KCNIP1: variants seen among roughly 807,000 people sequenced by gnomAD.
The protein encoded by KCNIP1 is potassium voltage-gated channel interacting protein 1.
Under a neutral mutation model 33.0 loss-of-function variants are expected in KCNIP1, and 18 were observed. The observed-to-expected ratio is 0.55, with a 90% CI of 0.38 to 0.81. KCNIP1 has a LOEUF of 0.81. KCNIP1 is among the 30% of genes least tolerant of loss of function. The probability of loss-of-function intolerance (pLI) is 0.00; values close to 1 mark genes in which losing one functional copy is unlikely to be tolerated. For missense variants in KCNIP1, 238 were observed against 271.6 expected (o/e 0.88, Z 0.87); for synonymous variants, 93 against 98.3 (o/e 0.95, Z 0.32).
chr5:170,469,766 G>A (rs1756683030), intron 1 of KCNIP1, among the ~76,000 whole-genome samples: 1 of 152,150 alleles, frequency 6.6e-6, no homozygotes. Flanking sequence ...TTGTATCTGG[G>A]TCTATTTCTG....
At chr5:170,510,461 G>A (rs1309754365) in intron 1 of KCNIP1, among the ~76,000 whole-genome samples, 3 of 152,162 alleles carry the variant, frequency 2.0e-5, no homozygotes, top group Admixed American at 6.5e-5. Flanking sequence ...GTCTGCTCCT[G>A]GGGAGAAGCT....
At chr5:170,625,350 G>T (rs929695692) in intron 1 of KCNIP1, among the ~76,000 whole-genome samples, 1 of 152,140 alleles carries the variant, frequency 6.6e-6, no homozygotes, top group Non-Finnish European at 1.5e-5. Flanking sequence ...GAATACAAGA[G>T]CTCTGTCACC....
chr5:170,448,316 C>A (rs757040823), intron 1 of KCNIP1, among the ~76,000 whole-genome samples: 10 of 152,232 alleles, frequency 6.6e-5, no homozygotes, highest in Non-Finnish European at 1.2e-4. Flanking sequence ...AATAGAGTTG[C>A]CTCATTTCAC....
intron 1 of KCNIP1, among the ~76,000 whole-genome samples, chr5:170,549,413 G>A (rs1203518977): frequency 6.6e-6 from 1 of 152,158 alleles, no homozygotes; most frequent in African/African-American, 2.4e-5. Context: ...CATCCATATA[G>A]TGTACATTGT....
At chr5:170,570,375 G>A (rs955896754) in intron 1 of KCNIP1, among the ~76,000 whole-genome samples, 2 of 152,146 alleles carry the variant, frequency 1.3e-5, no homozygotes, top group African/African-American at 4.8e-5. Context: ...AAGCTGATCT[G>A]TCCATGCCTG....
At chr5:170,552,003 G>A (rs1330297222) in intron 1 of KCNIP1, among the ~76,000 whole-genome samples, 2 of 146,486 alleles carry the variant, frequency 1.4e-5, no homozygotes. Flanking sequence ...GTGCGTATGT[G>A]TGTGTGAGTG....
intron 1 of KCNIP1, among the ~76,000 whole-genome samples, chr5:170,665,845 T>C (rs1478901028): frequency 6.6e-6 from 1 of 152,134 alleles, no homozygotes; most frequent in African/African-American, 2.4e-5. Flanking sequence ...TTATCTGAAG[T>C]TTTTCTGATG....
upstream of KCNIP1, chr5:170,504,009 T>C: frequency 6.4e-6 from 5 of 776,868 alleles, no homozygotes; most frequent in Non-Finnish European, 7.7e-6. The surrounding 1 kb of genome is among the most constrained non-coding windows in gnomAD (Gnocchi z 6.0). Flanking sequence ...CGCCGCCCCC[T>C]CCGCCGCTCC....
At chr5:170,684,208 TAAAG>T (rs1239231456) in intron 1 of KCNIP1, among the ~76,000 whole-genome samples, 19 of 152,154 alleles carry the variant, frequency 1.2e-4, no homozygotes, top group African/African-American at 4.6e-4. Context: ...ATTTATAAAA[TAAAG>T]AAATGAGAAT....
At chr5:170,454,082 C>T (rs1756318398) in intron 1 of KCNIP1, among the ~76,000 whole-genome samples, 1 of 152,240 alleles carries the variant, frequency 6.6e-6, no homozygotes, top group African/African-American at 2.4e-5. Flanking sequence ...AAAACTATTA[C>T]AGCTGCTCAA....
At chr5:170,623,050 C>T (rs1375046559) in intron 1 of KCNIP1, among the ~76,000 whole-genome samples, 3 of 152,188 alleles carry the variant, frequency 2.0e-5, no homozygotes, top group East Asian at 1.9e-4. Context: ...ATGCGCAGTT[C>T]GCAATAGGGT....
intron 1 of KCNIP1, among the ~76,000 whole-genome samples, chr5:170,662,046 C>A (rs1490115317): frequency 6.6e-6 from 1 of 152,222 alleles, no homozygotes; most frequent in African/African-American, 2.4e-5. Flanking sequence ...CACCAATCCA[C>A]TACCAAATGA....
At chr5:170,392,620 C>T (rs1426880369) in intron 1 of KCNIP1, among the ~76,000 whole-genome samples, 2 of 152,134 alleles carry the variant, frequency 1.3e-5, no homozygotes, top group African/African-American at 2.4e-5. Context: ...GCCAGTAGTT[C>T]GAGACCAGCC....
intron 6 of KCNIP1, 26 bp downstream of exon 6, chr5:170,732,930 G>A: frequency 7.0e-7 from 1 of 1,425,260 alleles, no homozygotes; most frequent in Non-Finnish European, 9.9e-7. Flanking sequence ...CTGCACATGA[G>A]CTGTAAGCCC....
At chr5:170,716,781 C>T (rs1763658454) in intron 1 of KCNIP1, among the ~76,000 whole-genome samples, 1 of 152,138 alleles carries the variant, frequency 6.6e-6, no homozygotes, top group African/African-American at 2.4e-5. Context: ...CAAGCTCCCA[C>T]AAAGAAATTT....
At chr5:170,715,463 C>A (rs1169100577) in intron 1 of KCNIP1, among the ~76,000 whole-genome samples, 3 of 152,196 alleles carry the variant, frequency 2.0e-5, no homozygotes, top group African/African-American at 7.2e-5. Flanking sequence ...TTAAGGATCA[C>A]TTAATCAAAA....
intron 1 of KCNIP1, among the ~76,000 whole-genome samples, chr5:170,653,035 C>A (rs116135858): frequency 1.3e-5 from 2 of 152,316 alleles, no homozygotes; most frequent in East Asian, 3.9e-4. Flanking sequence ...AATGAGAGAG[C>A]ACACAGCTGG....
At chr5:170,612,359 A>G (rs76390639) in intron 1 of KCNIP1, among the ~76,000 whole-genome samples, 1,970 of 152,356 alleles carry the variant, frequency 0.013, 46 homozygotes, top group African/African-American at 0.044. Flanking sequence ...TGGGCACAGC[A>G]CAGAGAAATT....
chr5:170,391,740 C>G (rs946170166), intron 1 of KCNIP1, among the ~76,000 whole-genome samples: 7 of 152,102 alleles, frequency 4.6e-5, no homozygotes, highest in African/African-American at 4.8e-5. Context: ...AATAAATTGC[C>G]CAAGCAAGTT....
Sources: allele counts gnomAD v4.1 joint callset (sites outside exome capture counted in the v4.1 genomes callset), GRCh38; gene constraint gnomAD v4.1.1; non-coding constraint Gnocchi (gnomAD v3.1); transcripts MANE v1.5; gene names NCBI Gene and HGNC (gene_info 2026-07-23, HGNC 2026-07-21).